Variants in CCDC180 observed in about 807,000 individuals in gnomAD.
CCDC180 encodes coiled-coil domain-containing protein 180.
Under a neutral mutation model 209.2 loss-of-function variants are expected in CCDC180, and 154 were observed. The observed-to-expected ratio is 0.74, with a 90% CI of 0.65 to 0.84. The LOEUF is 0.84. Among genes scored for constraint, CCDC180 ranks in the 40% least tolerant of loss-of-function variants. The pLI is 0.00. For missense variants in CCDC180, 1,874 were observed against 1,997.3 expected (o/e 0.94, Z 1.18); for synonymous variants, 778 against 749.1 (o/e 1.04, Z -0.63).
chr9:97,344,556 A>G (rs1826192218), intron 19 of CCDC180, among the ~76,000 whole-genome samples: 1 of 152,172 alleles, frequency 6.6e-6, no homozygotes, highest in Non-Finnish European at 1.5e-5. Context: ...ACTTAACTCC[A>G]TTTTACAGAT....
chr9:97,307,685 G>A lies in CCDC180; in HGVS notation c.-203G>A. ...AGCGCCGTTAACTTTTCCCCGAAGA[G>A]CATGGCAGAGTGAAGCACAAGCAAT... On this transcript the variant is annotated 5_prime_UTR_variant, in exon 1 of 37. Coordinates refer to ENST00000529487, the MANE Select transcript of CCDC180 (RefSeq NM_020893.6). 1 of 1,568,184 alleles carries A rather than the reference G, an allele frequency of 6.4e-7. No homozygotes were observed. The highest frequency in any genetic ancestry group is 8.8e-7 in the Non-Finnish European group (1 of 1,139,888).
intron 22 of CCDC180, among the ~76,000 whole-genome samples, chr9:97,354,350 G>T (rs949337327): frequency 6.6e-6 from 1 of 151,990 alleles, no homozygotes; most frequent in African/African-American, 2.4e-5. Context: ...GTTTCAGTTG[G>T]GTCTGTTAGA....
Position 97,308,132 on chromosome 9 carries a change from G to A in CCDC180, c.69G>A (p.Glu23=), listed in dbSNP as rs758672104. The change falls in exon 2 of 37, where the codon GAG becomes GAA. Residue 23 remains glutamate (E), a splice_region_variant and synonymous_variant. Coordinates refer to ENST00000529487, the MANE Select transcript of CCDC180 (RefSeq NM_020893.6). ...CCTACCAGCAGATCTTCCAGGCTGA[G>A]GTAGGAGCCGCCCTCTGTCCCGCTT... ...GKAYQQIFQA[E]VQLVHSLAAT... 6.3e-7 allele frequency: 1 copy of A among 1,596,818 alleles called. No individual in the cohort carries two copies. The highest frequency in any genetic ancestry group is 1.8e-5 in the Admixed American group (1 of 57,078).
Position 97,309,528 on chromosome 9 carries a change from G to T in CCDC180, c.184G>T (p.Val62Leu). The T allele has an allele frequency of 3.7e-6, 6 of 1,601,728 alleles. No homozygotes were observed. Among genetic ancestry groups the T allele is most frequent in the Non-Finnish European group, 5.1e-6 (6 of 1,174,526 alleles). ...MKKVETPEGE[V>L]MSPRQQKWMH... Reference sequence around the variant, plus strand: ...GAAGGTGGAGACTCCTGAAGGGGAGGTGATGTCTCCCCGACAGCAGAAGTG... The same window carrying T: ...GAAGGTGGAGACTCCTGAAGGGGAGTTGATGTCTCCCCGACAGCAGAAGTG... Residue 62 changes from valine to leucine, a missense_variant, in exon 3 of 37, where the codon GTG becomes TTG. Val to Leu is a conservative substitution (Grantham distance 32). Coordinates refer to ENST00000529487, the MANE Select transcript of CCDC180 (RefSeq NM_020893.6).
At chr9:97,369,688 A>C (rs544693884) in intron 31 of CCDC180, 2 of 385,728 alleles carry the variant, frequency 5.2e-6, no homozygotes, top group African/African-American at 4.2e-5. Flanking sequence ...CAATCCTCCC[A>C]CCTCAGCCTC....
At chr9:97,307,483 G>A (rs1587772444), upstream of CCDC180, 1 of 596,186 alleles carries the variant, frequency 1.7e-6, no homozygotes, top group East Asian at 2.9e-5. Context: ...GGCTAGGGAG[G>A]GGGATGGCAG....
At chr9:97,316,982 C>A in intron 8 of CCDC180, 83 bp from the exon 9 acceptor site, 1 of 1,365,126 alleles carries the variant, frequency 7.3e-7, no homozygotes, top group Non-Finnish European at 1.0e-6. Flanking sequence ...CTCCAGCCTC[C>A]CACTGCTCCT....
chr9:97,315,200 C>T lies in CCDC180; in HGVS notation c.795+254C>T, dbSNP rs114758344. ...TCCCTGACATCTTGAACCAGGCACA[C>T]CTAATATAGGGCTATCGTCTGGAGC... On this transcript the variant is annotated intron_variant, in intron 8 of 36. Coordinates refer to ENST00000529487, the MANE Select transcript of CCDC180 (RefSeq NM_020893.6). Among the ~76,000 whole-genome samples the T allele has an allele frequency of 8.4e-3, 1,275 of 152,238 alleles. 17 individuals carry two copies. The highest frequency in any genetic ancestry group is 0.029 in the African/African-American group (1,191 of 41,540).
chr9:97,321,049 G>GCAGCTCCCAGTCAGCCC (rs1232510845), intron 11 of CCDC180, among the ~76,000 whole-genome samples: 6 of 152,308 alleles, frequency 3.9e-5, no homozygotes, highest in Non-Finnish European at 7.3e-5. Context: ...GTGACAAGCT[G>GCAGCTCCCAGTCAGCCC]CAGCTCCCAG....
At chr9:97,328,297 A>T in intron 16 of CCDC180, 151 bp downstream of exon 16, 1 of 865,174 alleles carries the variant, frequency 1.2e-6, no homozygotes, top group Non-Finnish European at 1.7e-6. Context: ...AAGTGTCTCT[A>T]AAGAGACCAT....
intron 36 of CCDC180, chr9:97,376,023 A>G (rs898455446): frequency 2.2e-5 from 4 of 181,750 alleles, no homozygotes; most frequent in Non-Finnish European, 3.5e-5. Flanking sequence ...CATCTCACTG[A>G]ATCCTCCTAA....
Position 97,330,919 on chromosome 9 carries a change from T to A in CCDC180, c.2274+152T>A, listed in dbSNP as rs947771512. 9.9e-6 allele frequency: 8 copies of A among 804,226 alleles called. No homozygotes were observed. In the African/African-American group the frequency reaches 1.0e-4, roughly 10 times the overall value. The allele number at this position is 804,226 out of a possible 1,614,324, so 49.8% of individuals were successfully genotyped here. ...AAAAATATTCATACTATTCATACTTTAAAAAAATTTTATTTTAGGTTCAGG... is the reference window on the plus strand; with the variant it reads ...AAAAATATTCATACTATTCATACTTAAAAAAAATTTTATTTTAGGTTCAGG... On this transcript the variant is annotated intron_variant, in intron 18 of 36. Transcript: ENST00000529487.
At chr9:97,328,465 T>C (rs1833607338) in intron 16 of CCDC180, among the ~76,000 whole-genome samples, 1 of 152,088 alleles carries the variant, frequency 6.6e-6, no homozygotes, top group Non-Finnish European at 1.5e-5. Context: ...TTAACCCACC[T>C]ACTCTCCTGC....
chr9:97,327,315 A>G (rs894935952), intron 15 of CCDC180, among the ~76,000 whole-genome samples: 3 of 152,204 alleles, frequency 2.0e-5, no homozygotes, highest in Non-Finnish European at 4.4e-5. Flanking sequence ...ATGAATATAT[A>G]CACATACATA....
rs375880906 is a variant in CCDC180 at position 97,375,516 on chromosome 9, C to T, written c.4769C>T (p.Thr1590Ile). ...CAAAACAAGATTCTTCTCCAGCCAA[C>T]ATCATCGATTTCCACCACCAAAACC... is the stretch of plus-strand genomic sequence containing the variant. ...TIQNKILLQP[T>I]SSISTTKTTL... Residue 1590 changes from threonine (T) to isoleucine (I), a missense_variant, in exon 36 of 37, where the codon ACA becomes ATA. Physicochemically the swap from Thr to Ile is moderately conservative, Grantham distance 89 (BLOSUM62 -1). Transcript: ENST00000529487. 1 of 1,614,252 alleles carries T rather than the reference C, an allele frequency of 6.2e-7. No individual in the cohort carries two copies. The highest frequency in any genetic ancestry group is 1.3e-5 in the African/African-American group (1 of 75,058).
At chr9:97,323,750 G>A in intron 12 of CCDC180, 31 bp from the exon 13 acceptor site, 1 of 1,544,970 alleles carries the variant, frequency 6.5e-7, no homozygotes, top group Non-Finnish European at 8.7e-7. Context: ...TCAGTCCTAA[G>A]CCAGGCTCTG....
intron 15 of CCDC180, among the ~76,000 whole-genome samples, chr9:97,327,319 A>G (rs1833566337): frequency 6.6e-6 from 1 of 152,182 alleles, no homozygotes; most frequent in South Asian, 2.1e-4. Flanking sequence ...ATATATACAC[A>G]TACATAGTGT....
In CCDC180 at chr9:97,370,653, C is replaced by T. The variant is rs905978346; in HGVS notation, c.4363C>T (p.Gln1455Ter). Residue 1455 changes from glutamine (Q) to a stop codon, truncating the protein, a stop_gained, in exon 33 of 37, where the codon CAG (glutamine) becomes TAG (stop). Transcript: ENST00000529487. LOFTEE classifies it high-confidence loss of function. ...TGTTTGATTAAAGGACAAAAATGCC[C>T]AGAAGCTCCATCTAAATCTTGGACA... ...RLEKRKDKNA[Q>*]KLHLNLGHPV... 7 of 1,613,602 alleles carry T rather than the reference C, an allele frequency of 4.3e-6. No homozygotes were observed. Among genetic ancestry groups the T allele is most frequent in the Non-Finnish European group, 5.9e-6 (7 of 1,179,916 alleles).
intron 25 of CCDC180, among the ~76,000 whole-genome samples, 181 bp from the exon 26 acceptor site, chr9:97,359,801 G>A (rs2118860595): frequency 6.6e-6 from 1 of 152,184 alleles, no homozygotes; most frequent in East Asian, 1.9e-4. Flanking sequence ...AGTGAAGGCT[G>A]CCTAGCAGAG....
Sources: allele counts gnomAD v4.1 joint callset (sites outside exome capture counted in the v4.1 genomes callset), GRCh38; gene constraint gnomAD v4.1.1; transcripts MANE v1.5; gene names NCBI Gene and HGNC (gene_info 2026-07-23, HGNC 2026-07-21).